EXOC6B: variants seen among roughly 807,000 people sequenced by gnomAD.
EXOC6B encodes SEC15 homolog B.
Under a neutral mutation model 113.5 loss-of-function variants are expected in EXOC6B, and 54 were observed. The observed-to-expected ratio is 0.48, with a 90% CI of 0.38 to 0.60. The LOEUF (loss-of-function observed/expected upper bound fraction) is 0.60. Ranked by LOEUF, EXOC6B falls within the 20% of genes least tolerant of loss-of-function variation. The pLI, the probability that EXOC6B is intolerant of heterozygous loss-of-function variation, is 0.00. For missense variants in EXOC6B, 797 were observed against 977.5 expected, an observed-to-expected ratio of 0.82 and a Z score of 2.46; for synonymous variants, 357 against 339.0, an observed-to-expected ratio of 1.05 and a Z score of -0.58.
At chr2:72,819,846 G>A (rs1376144586) in intron 1 of EXOC6B, among the ~76,000 whole-genome samples, 1 of 152,130 alleles carries the variant, frequency 6.6e-6, no homozygotes, top group Non-Finnish European at 1.5e-5. Context: ...GTACCATGAA[G>A]GATGCTTTAT....
chr2:72,547,998 AT>A (rs1023129714), intron 8 of EXOC6B, among the ~76,000 whole-genome samples: 36 of 152,236 alleles, frequency 2.4e-4, no homozygotes, highest in African/African-American at 7.7e-4. Context: ...ACCATATAAA[AT>A]TTTTTAAATG....
chr2:72,812,718 G>T (rs1685989998), intron 1 of EXOC6B, among the ~76,000 whole-genome samples: 1 of 151,728 alleles, frequency 6.6e-6, no homozygotes, highest in Non-Finnish European at 1.5e-5. Context: ...AAAATTTATA[G>T]AAAATTTTAT....
At chr2:72,612,930 T>C (rs902810049) in intron 6 of EXOC6B, among the ~76,000 whole-genome samples, 7 of 152,226 alleles carry the variant, frequency 4.6e-5, no homozygotes, top group African/African-American at 1.7e-4. Flanking sequence ...ACAAAATACA[T>C]TTTTAAGAAA....
chr2:72,438,188 G>A (rs977869488), intron 18 of EXOC6B, among the ~76,000 whole-genome samples: 1 of 151,926 alleles, frequency 6.6e-6, no homozygotes, highest in Non-Finnish European at 1.5e-5. Context: ...AATTAGAATT[G>A]TATTACACCA....
chr2:72,212,546 C>T (rs1164131271), intron 20 of EXOC6B, among the ~76,000 whole-genome samples: 1 of 152,144 alleles, frequency 6.6e-6, no homozygotes, highest in Non-Finnish European at 1.5e-5. Flanking sequence ...CATAATAAAA[C>T]GCCTTTAACT....
chr2:72,793,412 A>G (rs1684785300), intron 1 of EXOC6B, among the ~76,000 whole-genome samples: 1 of 152,198 alleles, frequency 6.6e-6, no homozygotes, highest in South Asian at 2.1e-4. Context: ...ACCAATCCCA[A>G]ATCGTACTAT....
At chr2:72,603,661 GAAATAACAGC>G (rs1670573417) in intron 6 of EXOC6B, among the ~76,000 whole-genome samples, 1 of 152,116 alleles carries the variant, frequency 6.6e-6, no homozygotes, top group African/African-American at 2.4e-5. Context: ...CTGCTGGTAA[GAAATAACAGC>G]ATTCATTCCT....
chr2:72,432,533 C>G (rs1159345465), intron 18 of EXOC6B, among the ~76,000 whole-genome samples: 1 of 152,168 alleles, frequency 6.6e-6, no homozygotes, highest in African/African-American at 2.4e-5. Context: ...CTAATTTACA[C>G]TCCCACCAGG....
intron 1 of EXOC6B, among the ~76,000 whole-genome samples, chr2:72,768,453 G>A (rs1173956402): frequency 2.6e-5 from 4 of 151,550 alleles, no homozygotes; most frequent in South Asian, 2.1e-4. Flanking sequence ...TACCACCCCC[G>A]GCTAATTTTG....
chr2:72,389,448 A>C (rs1692237296), intron 18 of EXOC6B, among the ~76,000 whole-genome samples: 1 of 152,048 alleles, frequency 6.6e-6, no homozygotes, highest in Non-Finnish European at 1.5e-5. Context: ...ACAAAAATTG[A>C]GTAAAAACTT....
intron 12 of EXOC6B, 31 bp from the exon 13 acceptor site, chr2:72,498,582 T>A (rs771577626): frequency 6.7e-7 from 1 of 1,485,314 alleles, no homozygotes; most frequent in Non-Finnish European, 9.1e-7. Flanking sequence ...CACTTCAGTG[T>A]CTAAGGAAGG....
intron 8 of EXOC6B, among the ~76,000 whole-genome samples, chr2:72,520,386 T>G (rs1558757834): frequency 6.6e-6 from 1 of 152,254 alleles, no homozygotes; most frequent in African/African-American, 2.4e-5. Context: ...TCTAAAGTTT[T>G]TTGTTCCTGT....
chr2:72,439,270 A>G (rs1383295124), intron 18 of EXOC6B, among the ~76,000 whole-genome samples: 1 of 152,178 alleles, frequency 6.6e-6, no homozygotes, highest in African/African-American at 2.4e-5. Flanking sequence ...CTGAATTTGA[A>G]TGCTGCCCTG....
chr2:72,252,806 C>T (rs1225641899), intron 20 of EXOC6B, among the ~76,000 whole-genome samples: 2 of 152,132 alleles, frequency 1.3e-5, no homozygotes, highest in African/African-American at 4.8e-5. Flanking sequence ...TGTGCCCCAG[C>T]CCTCAGCATC....
At chr2:72,810,277 G>T (rs1048968215) in intron 1 of EXOC6B, among the ~76,000 whole-genome samples, 1 of 151,488 alleles carries the variant, frequency 6.6e-6, no homozygotes, top group Non-Finnish European at 1.5e-5. Context: ...CTACTCAAGC[G>T]GCTAAGACAC....
intron 6 of EXOC6B, among the ~76,000 whole-genome samples, chr2:72,653,598 A>ATC (rs140579240): frequency 1.7e-4 from 22 of 133,242 alleles, no homozygotes; most frequent in African/African-American, 6.6e-4. Flanking sequence ...ATTGCCAGCA[A>ATC]CCCCCCCCCA....
At position 72,825,742 on chromosome 2, in the gene EXOC6B, G is replaced by A. The variant is rs1003581930; in HGVS notation, c.113+56C>T. The A allele has an allele frequency of 1.6e-5, 24 of 1,538,216 alleles. No individual in the cohort carries two copies. Among genetic ancestry groups the A allele is most frequent in the Admixed American group, 5.5e-5 (3 of 54,388 alleles). On this transcript the variant is annotated intron_variant, in intron 1 of 21. Transcript: ENST00000272427. The surrounding 1 kb of genome is among the most constrained non-coding windows in gnomAD (Gnocchi z 4.4). ...AGCCGGCCGGAGGCCCGACCCAGAGGAGCCTGCCCCGTCCCGCCCGTTCCC... is the reference window on the plus strand; with the variant it reads ...AGCCGGCCGGAGGCCCGACCCAGAGAAGCCTGCCCCGTCCCGCCCGTTCCC...
chr2:72,791,510 G>A (rs551076332), intron 1 of EXOC6B, among the ~76,000 whole-genome samples: 2 of 152,326 alleles, frequency 1.3e-5, no homozygotes, highest in East Asian at 3.9e-4. Context: ...CAGTGCCACT[G>A]CACTCCAGCC....
intron 1 of EXOC6B, among the ~76,000 whole-genome samples, chr2:72,804,739 G>A (rs985710224): frequency 3.9e-5 from 6 of 151,926 alleles, no homozygotes; most frequent in African/African-American, 1.5e-4. Flanking sequence ...GGGATTACAG[G>A]CACGCACCAC....
Sources: gnomAD v4.1 joint callset for allele counts (sites outside exome capture counted in the v4.1 genomes callset) on GRCh38, gnomAD v4.1.1 for gene constraint, Gnocchi (gnomAD v3.1) non-coding constraint, MANE v1.5 for transcripts, NCBI Gene and HGNC (gene_info 2026-07-23, HGNC 2026-07-21) for gene names.